PYM1: variants seen among roughly 807,000 people sequenced by gnomAD.
The protein encoded by PYM1 is PYM1 exon junction complex associated factor.
A neutral mutation model predicts 20.7 loss-of-function variants in PYM1; 7 were observed. The observed-to-expected ratio is 0.34, with a 90% CI of 0.19 to 0.64. PYM1 has a LOEUF of 0.64. Ranked by LOEUF, PYM1 falls within the 30% of genes least tolerant of loss-of-function variation. PYM1 has a pLI of 0.74. For synonymous variants in PYM1, 100 were observed against 99.2 expected (o/e 1.01, Z -0.05); for missense variants, 194 against 250.0 (o/e 0.78, Z 1.51).
rs548083925 is a variant in PYM1, at chr12:55,904,997, A to ATATT, written c.38-1521_38-1518dup. Among the ~76,000 whole-genome samples the ATATT allele has an allele frequency of 2.1e-3, 315 of 151,212 alleles. 6 individuals are homozygous for ATATT. The highest frequency in any genetic ancestry group is 0.011 in the South Asian group (54 of 4,780). On this transcript the variant is annotated intron_variant, in intron 1 of 2. Transcript: ENST00000408946. ...GCATATCATTATACAATATTTATTT[A>ATATT]TATTTATTTATTTATTTATTTTGAG...
intron 1 of PYM1, among the ~76,000 whole-genome samples, chr12:55,911,833 C>T (rs1182709762): frequency 6.7e-6 from 1 of 149,724 alleles, no homozygotes; most frequent in African/African-American, 2.5e-5. Context: ...AAGAGCGAAA[C>T]TCCATCAAGA....
chr12:55,927,862 GT>G lies in PYM1; in HGVS notation c.-102del. 6.9e-7 allele frequency: 1 copy of G among 1,446,954 alleles called. No homozygotes were observed. The highest frequency in any genetic ancestry group is 9.2e-7 in the Non-Finnish European group (1 of 1,082,364). 89.6% of individuals were successfully genotyped at this position (1,446,954 alleles called of 1,614,324 possible). On this transcript the variant is annotated 5_prime_UTR_variant, in exon 1 of 3. Coordinates refer to ENST00000408946, the MANE Select transcript of PYM1 (RefSeq NM_032345.3). The stretch of plus-strand genomic sequence containing the variant: ...CGGCGGCGAAGTGATGAGGGCCCTA[GT>G]TGCTTCTCGCCCAGACCTCCTAACC...
At chr12:55,903,006 C>T (rs1882723315) in intron 2 of PYM1, among the ~76,000 whole-genome samples, 1 of 152,142 alleles carries the variant, frequency 6.6e-6, no homozygotes, top group Non-Finnish European at 1.5e-5. Context: ...TGTTCTTGAA[C>T]TCCTGACCTC....
intron 1 of PYM1, among the ~76,000 whole-genome samples, chr12:55,918,523 A>T (rs2136267195): frequency 6.6e-6 from 1 of 152,316 alleles, no homozygotes; most frequent in Middle Eastern, 3.4e-3. Context: ...ACTTGAGCCC[A>T]GGAGTTCAAG....
intron 1 of PYM1, 32 bp from the exon 2 acceptor site, chr12:55,903,512 T>C: frequency 6.3e-7 from 1 of 1,594,834 alleles, no homozygotes; most frequent in Non-Finnish European, 8.6e-7. Context: ...TGAAAATTAC[T>C]CTTATTTTCA....
At chr12:55,907,463 C>CAA (rs770960966) in intron 1 of PYM1, among the ~76,000 whole-genome samples, 1 of 51,982 alleles carries the variant, frequency 1.9e-5, no homozygotes, top group Non-Finnish European at 4.3e-5. Context: ...TACATAAATA[C>CAA]AAAAAAAAAA....
chr12:55,910,252 CATATATATAT>C (rs71074876), intron 1 of PYM1, among the ~76,000 whole-genome samples: 2,079 of 142,718 alleles, frequency 0.015, 58 homozygotes, highest in African/African-American at 0.049. Context: ...TGGTTTTATA[CATATATATAT>C]ATATATATAT....
chr12:55,925,209 A>G (rs1883168419), intron 1 of PYM1, among the ~76,000 whole-genome samples: 1 of 152,256 alleles, frequency 6.6e-6, no homozygotes, highest in African/African-American at 2.4e-5. Context: ...ATATTATCAA[A>G]GTGGCTGGTC....
intron 2 of PYM1, among the ~76,000 whole-genome samples, chr12:55,902,915 G>A (rs992034435): frequency 1.3e-4 from 19 of 149,852 alleles, no homozygotes; most frequent in Non-Finnish European, 2.7e-4. Context: ...TTACAGGCTC[G>A]TGCCACCACG....
intron 1 of PYM1, chr12:55,914,003 T>C (rs1882966192): frequency 3.4e-6 from 1 of 291,808 alleles, no homozygotes; most frequent in Non-Finnish European, 6.3e-6. Context: ...ATTTGGAAAA[T>C]TGGGAAAATA....
intron 1 of PYM1, among the ~76,000 whole-genome samples, chr12:55,905,994 A>ATATT (rs1882809740): frequency 7.9e-5 from 11 of 139,006 alleles, no homozygotes; most frequent in Non-Finnish European, 1.5e-4. Context: ...TATAATATAA[A>ATATT]ATAAATAAGT....
At chr12:55,904,606 A>T (rs1369797816) in intron 1 of PYM1, among the ~76,000 whole-genome samples, 1 of 145,926 alleles carries the variant, frequency 6.9e-6, no homozygotes, top group Non-Finnish European at 1.5e-5. Context: ...AAAAAAAAAA[A>T]AAAAAAAAAA....
intron 1 of PYM1, chr12:55,914,149 A>T (rs1882968070): frequency 1.7e-6 from 1 of 582,218 alleles, no homozygotes; most frequent in Non-Finnish European, 3.1e-6. Context: ...TTGCATAGAG[A>T]TTATAGCTGA....
chr12:55,915,213 TAAA>T (rs1174981358), intron 1 of PYM1, among the ~76,000 whole-genome samples: 2 of 48,972 alleles, frequency 4.1e-5, no homozygotes, highest in Non-Finnish European at 3.3e-5. Flanking sequence ...AGACTCTGCC[TAAA>T]AAAAAAAAAA....
chr12:55,918,254 T>C (rs969003316), intron 1 of PYM1, among the ~76,000 whole-genome samples: 5 of 151,694 alleles, frequency 3.3e-5, no homozygotes, highest in Non-Finnish European at 5.9e-5. Flanking sequence ...CCCGCCACCA[T>C]GCCCGGCTAA....
At chr12:55,912,283 T>G (rs553232407) in intron 1 of PYM1, among the ~76,000 whole-genome samples, 4 of 151,000 alleles carry the variant, frequency 2.6e-5, no homozygotes, top group Admixed American at 6.6e-5. Context: ...GTCTGGGAAG[T>G]GGAGGTTGCA....
chr12:55,902,283 A>C lies in PYM1; in HGVS notation c.204T>G (p.Thr68=). 6.2e-7 allele frequency: 1 copy of C among 1,614,202 alleles called. No homozygotes were observed. Among genetic ancestry groups the C allele is most frequent in the Non-Finnish European group, 8.5e-7 (1 of 1,180,038 alleles). The stretch of plus-strand genomic sequence containing the variant: ...CAGGCCTGGATGGGGTGACAGGAGC[A>C]GTGGCCTCAGGGCTTAGCCCTGGGG... ...ELPPGLSPEA[T]APVTPSRPEG... is the part of the protein sequence containing the mutation. Residue 68 remains threonine (T), a synonymous_variant, in exon 3 of 3, where the codon ACT becomes ACG. Coordinates refer to ENST00000408946, the MANE Select transcript of PYM1 (RefSeq NM_032345.3).
intron 1 of PYM1, chr12:55,914,251 A>C: frequency 1.4e-6 from 1 of 701,366 alleles, no homozygotes; most frequent in Non-Finnish European, 2.6e-6. Context: ...AGAGATACAA[A>C]TAGCCCATTA....
intron 1 of PYM1, among the ~76,000 whole-genome samples, chr12:55,921,043 G>GTATC (rs1349656977): frequency 5.9e-5 from 9 of 152,150 alleles, no homozygotes; most frequent in African/African-American, 2.2e-4. Flanking sequence ...TGGTAGCAGT[G>GTATC]TATCTGTAGA....
Sources: allele counts gnomAD v4.1 joint callset (sites outside exome capture counted in the v4.1 genomes callset), GRCh38; gene constraint gnomAD v4.1.1; transcripts MANE v1.5; gene names NCBI Gene and HGNC (gene_info 2026-07-23, HGNC 2026-07-21).